The following SHMT1 variants were observed in gnomAD, a reference collection of about 807,000 sequenced individuals.
SHMT1 encodes serine hydroxymethyltransferase, cytosolic.
Under a neutral mutation model 49.0 loss-of-function variants are expected in SHMT1, and 45 were observed. The observed-to-expected ratio is 0.92, with a 90% CI of 0.72 to 1.18. SHMT1 has a LOEUF of 1.18. Ranked by LOEUF, SHMT1 falls within the 50% of genes most tolerant of loss-of-function variation. SHMT1 has a pLI of 0.00. For synonymous variants in SHMT1, 232 were observed against 246.6 expected (o/e 0.94, Z 0.55); for missense variants, 541 against 612.4 (o/e 0.88, Z 1.23).
In SHMT1 at chr17:18,340,348, G is replaced by T. The variant is rs968950158; in HGVS notation, c.602-93C>A. On this transcript the variant is annotated intron_variant, in intron 6 of 11. Coordinates refer to ENST00000316694, the MANE Select transcript of SHMT1 (RefSeq NM_004169.5). The surrounding 1 kb of genome is among the most constrained non-coding windows in gnomAD (Gnocchi z 4.5). ...GGCCTCTAGATGTGCAGATCTGAAA[G>T]CCCAGAGATTTCTTCCCTTAAAGTC... 8.2e-5 allele frequency: 108 copies of T among 1,317,514 alleles called. No homozygotes were observed. Among genetic ancestry groups the T allele is most frequent in the Non-Finnish European group, 1.1e-4 (100 of 925,754 alleles). 81.6% of individuals were successfully genotyped at this position (1,317,514 alleles called of 1,614,324 possible). A position where few individuals can be genotyped will look rare whatever the true frequency, so the allele number is the denominator to read the frequency against.
chr17:18,329,487 A>G (rs1482038556), intron 10 of SHMT1, 99 bp from the exon 11 acceptor site: 7 of 929,986 alleles, frequency 7.5e-6, no homozygotes, highest in Non-Finnish European at 1.0e-5. Context: ...AACTGGCCTG[A>G]GGATACTGGC....
chr17:18,359,016 G>T (rs1325633797), intron 1 of SHMT1, among the ~76,000 whole-genome samples: 1 of 151,886 alleles, frequency 6.6e-6, no homozygotes, highest in Non-Finnish European at 1.5e-5. Context: ...AGCACTTTGG[G>T]AGGCCAAGGC....
intron 1 of SHMT1, among the ~76,000 whole-genome samples, chr17:18,361,271 C>T (rs539822692): frequency 1.4e-5 from 2 of 146,676 alleles, no homozygotes; most frequent in East Asian, 3.9e-4. Context: ...CGCACTCCAG[C>T]CTGGACAACA....
At position 18,330,676 on chromosome 17, in the gene SHMT1, A is replaced by C. The variant is rs754985639; in HGVS notation, c.1055-5T>G. ...TCAAATGGTTGTCAGAACCACCTGG[A>C]AACAAAGTTGGACATGTAGAAATGC... is the stretch of plus-strand genomic sequence containing the variant. On this transcript the variant is annotated splice_region_variant and splice_polypyrimidine_tract_variant and intron_variant, in intron 9 of 11. Transcript: ENST00000316694. 2 of 1,602,132 alleles carry C rather than the reference A, an allele frequency of 1.2e-6. No individual in the cohort carries two copies. Among genetic ancestry groups the C allele is most frequent in the East Asian group, 4.5e-5 (2 of 44,834 alleles).
At chr17:18,363,265 G>C (rs1174557789) in intron 1 of SHMT1, 107 bp downstream of exon 1, 1 of 152,070 alleles carries the variant, frequency 6.6e-6, no homozygotes, top group Non-Finnish European at 1.5e-5. Flanking sequence ...AGAGGGTGGG[G>C]TACGGCGGGG....
chr17:18,362,202 A>C (rs1986838140), intron 1 of SHMT1, among the ~76,000 whole-genome samples: 1 of 152,258 alleles, frequency 6.6e-6, no homozygotes, highest in Non-Finnish European at 1.5e-5. Flanking sequence ...GTTTCTCTTC[A>C]GTTCCAAGGC....
At chr17:18,344,907 G>A (rs1984925102) in intron 5 of SHMT1, among the ~76,000 whole-genome samples, 1 of 152,214 alleles carries the variant, frequency 6.6e-6, no homozygotes, top group Admixed American at 6.6e-5. Flanking sequence ...AGTGGGGCAG[G>A]GGCTGAAGGT....
intron 3 of SHMT1, among the ~76,000 whole-genome samples, chr17:18,351,497 G>A (rs1393621655): frequency 2.0e-5 from 3 of 150,578 alleles, no homozygotes; most frequent in Admixed American, 6.6e-5. Flanking sequence ...AGTGGCTCAC[G>A]CCTGTAATCC....
intron 3 of SHMT1, among the ~76,000 whole-genome samples, chr17:18,352,150 C>CTTT (rs60700438): frequency 0.11 from 14,264 of 132,626 alleles, 2,477 homozygotes; most frequent in African/African-American, 0.35. Flanking sequence ...CAGTCCCCTT[C>CTTT]TTTTTTTTTT....
At chr17:18,339,457 C>A (rs1255212161) in intron 7 of SHMT1, among the ~76,000 whole-genome samples, 1 of 152,188 alleles carries the variant, frequency 6.6e-6, no homozygotes, top group East Asian at 1.9e-4. Context: ...GCCATCCTAA[C>A]ACATAGTGGT....
intron 4 of SHMT1, 153 bp downstream of exon 4, chr17:18,348,172 C>T (rs879494793): frequency 5.0e-5 from 34 of 678,444 alleles, no homozygotes; most frequent in Non-Finnish European, 7.8e-5. Flanking sequence ...TGCCTGCCTC[C>T]GCCTCCCAAA....
chr17:18,349,257 T>C (rs1985429740), intron 3 of SHMT1, among the ~76,000 whole-genome samples: 1 of 151,880 alleles, frequency 6.6e-6, no homozygotes, highest in South Asian at 2.1e-4. Flanking sequence ...CCGTCTCTAC[T>C]AAAAATACAA....
chr17:18,348,659 A>T (rs1567786418), intron 3 of SHMT1: 1 of 669,702 alleles, frequency 1.5e-6, no homozygotes, highest in Non-Finnish European at 2.8e-6. Context: ...TGCAACTTGG[A>T]GCAAATATCT....
At chr17:18,333,637 T>G (rs1487581613) in intron 8 of SHMT1, among the ~76,000 whole-genome samples, 4 of 151,758 alleles carry the variant, frequency 2.6e-5, no homozygotes, top group African/African-American at 7.3e-5. Flanking sequence ...AGCTAATTTT[T>G]GTTGGTATTT....
chr17:18,336,601 G>T (rs1397855521), intron 7 of SHMT1, among the ~76,000 whole-genome samples: 1 of 152,006 alleles, frequency 6.6e-6, no homozygotes, highest in African/African-American at 2.4e-5. Context: ...GGGAGGTGGA[G>T]GTTGTAGCGA....
intron 2 of SHMT1, among the ~76,000 whole-genome samples, chr17:18,354,410 ACT>A (rs1986025564): frequency 6.6e-6 from 1 of 151,610 alleles, no homozygotes; most frequent in Admixed American, 6.6e-5. Flanking sequence ...CAAGAACAAA[ACT>A]CTGTCTCAAA....
chr17:18,344,326 G>C (rs2151585614), intron 5 of SHMT1, among the ~76,000 whole-genome samples: 1 of 152,152 alleles, frequency 6.6e-6, no homozygotes, highest in South Asian at 2.1e-4. Context: ...ATTTGGCAAA[G>C]AAACCGTTTT....
At chr17:18,333,352 A>G in intron 8 of SHMT1, 64 bp from the exon 9 acceptor site, 1 of 1,545,014 alleles carries the variant, frequency 6.5e-7, no homozygotes, top group Non-Finnish European at 8.9e-7. Flanking sequence ...GATGAGTCAA[A>G]CAACATTCCT....
chr17:18,333,274 G>C lies in SHMT1; in HGVS notation c.946C>G (p.Leu316Val). ...AATTCCAGAGTCATAGCTTGCTTCA[G>C]TGCCACAGCAACCCCTGGACAAGAA... ...NHAIAGVAVALKQAMTLEFKV... is the reference protein window; with the variant it reads ...NHAIAGVAVAVKQAMTLEFKV... The change falls in exon 9 of 12, where the codon CTG becomes GTG. Residue 316 changes from leucine (L) to valine (V), a missense_variant. Leu to Val is a conservative substitution (Grantham distance 32, BLOSUM62 1). Transcript: ENST00000316694. The C allele has an allele frequency of 6.2e-7, 1 of 1,613,502 alleles. No homozygotes were observed. The highest frequency in any genetic ancestry group is 8.5e-7 in the Non-Finnish European group (1 of 1,179,960).
Sources: allele counts gnomAD v4.1 joint callset (sites outside exome capture counted in the v4.1 genomes callset), GRCh38; gene constraint gnomAD v4.1.1; non-coding constraint Gnocchi (gnomAD v3.1); transcripts MANE v1.5; gene names NCBI Gene and HGNC (gene_info 2026-07-23, HGNC 2026-07-21).